Variants in GALNTL6 observed in about 807,000 individuals in gnomAD.
The protein encoded by GALNTL6 is polypeptide N-acetylgalactosaminyltransferase-like 6.
In GALNTL6, 46 loss-of-function variants were observed where a neutral mutation model predicts 73.7. The ratio of observed to expected loss-of-function variants is 0.62; its 90% CI spans 0.49 to 0.80. The LOEUF (loss-of-function observed/expected upper bound fraction) is 0.80, where lower values mean the gene tolerates loss of function less well. Ranked by LOEUF, GALNTL6 falls within the 30% of genes least tolerant of loss-of-function variation. GALNTL6 has a pLI of 0.00. For missense variants in GALNTL6, 604 were observed against 755.0 expected (o/e 0.80, Z 2.34); for synonymous variants, 259 against 263.7 (o/e 0.98, Z 0.17).
intron 2 of GALNTL6, among the ~76,000 whole-genome samples, chr4:172,087,720 G>C (rs1732089509): frequency 6.7e-6 from 1 of 149,882 alleles, no homozygotes; most frequent in Non-Finnish European, 1.5e-5. Flanking sequence ...TTTCTGTAAA[G>C]GTCCCCCTCA....
At position 172,253,989 on chromosome 4, in the gene GALNTL6, C is replaced by A. The variant is rs558699159; in HGVS notation, c.247+24225C>A. On this transcript the variant is annotated intron_variant, in intron 3 of 12. Coordinates refer to ENST00000506823, the MANE Select transcript of GALNTL6 (RefSeq NM_001034845.3). ...TAATGGGCACTAAAATATGGTTACA[C>A]CTGCAGATCACCTAACTGAAAATTT... Among the ~76,000 whole-genome samples the A allele has an allele frequency of 3.3e-5, 5 of 151,856 alleles. No homozygotes were observed. The South Asian group carries it at 1.0e-3, about 32-fold the overall frequency.
chr4:171,929,697 C>T (rs1738113824), intron 2 of GALNTL6, among the ~76,000 whole-genome samples: 1 of 152,202 alleles, frequency 6.6e-6, no homozygotes, highest in South Asian at 2.1e-4. Context: ...TGCCCAGCCC[C>T]ATGCCCTGGC....
intron 5 of GALNTL6, among the ~76,000 whole-genome samples, chr4:172,605,050 T>G (rs1324306521): frequency 6.6e-6 from 1 of 152,142 alleles, no homozygotes; most frequent in East Asian, 1.9e-4. Context: ...TATTAGCATT[T>G]GAAATAAAAA....
At chr4:172,883,636 C>T (rs28789370) in intron 8 of GALNTL6, among the ~76,000 whole-genome samples, 9,007 of 152,282 alleles carry the variant, frequency 0.059, 299 homozygotes, top group Middle Eastern at 0.15. Flanking sequence ...GCCTCACCTC[C>T]AACACTGGGG....
At chr4:172,637,986 T>A (rs1739773942) in intron 5 of GALNTL6, among the ~76,000 whole-genome samples, 1 of 152,174 alleles carries the variant, frequency 6.6e-6, no homozygotes, top group Admixed American at 6.6e-5. Context: ...ATCAGAAGAA[T>A]GCCTTATATC....
intron 5 of GALNTL6, among the ~76,000 whole-genome samples, chr4:172,523,381 T>A (rs1050120020): frequency 2.0e-5 from 3 of 152,064 alleles, no homozygotes; most frequent in African/African-American, 7.2e-5. Flanking sequence ...TTTATTTATT[T>A]TGAGACAGAG....
chr4:172,961,224 G>C (rs190600452), intron 10 of GALNTL6, among the ~76,000 whole-genome samples: 1 of 140,898 alleles, frequency 7.1e-6, no homozygotes, highest in Non-Finnish European at 1.6e-5. Context: ...GTAGAGACAC[G>C]GGGAGAAGGG....
chr4:172,830,995 A>G (rs374899809), intron 7 of GALNTL6, among the ~76,000 whole-genome samples: 2 of 151,972 alleles, frequency 1.3e-5, no homozygotes, highest in East Asian at 1.9e-4. Flanking sequence ...CCCTGTCTCT[A>G]TGAAAATACA....
chr4:172,923,827 C>G (rs1274390552), intron 8 of GALNTL6, among the ~76,000 whole-genome samples: 2 of 152,038 alleles, frequency 1.3e-5, no homozygotes, highest in Non-Finnish European at 2.9e-5. Context: ...AGAGCTTGTG[C>G]AGGAAAACTC....
At chr4:171,853,904 G>A (rs948775379) in intron 2 of GALNTL6, among the ~76,000 whole-genome samples, 14 of 152,058 alleles carry the variant, frequency 9.2e-5, no homozygotes, top group South Asian at 2.1e-4. Context: ...GAGCCACCGC[G>A]CCTGGCCTAT....
At chr4:172,158,119 G>T (rs1734340778) in intron 2 of GALNTL6, among the ~76,000 whole-genome samples, 1 of 152,174 alleles carries the variant, frequency 6.6e-6, no homozygotes, top group Non-Finnish European at 1.5e-5. Flanking sequence ...CACCTCAGGT[G>T]CATGGTTCTA....
At chr4:172,568,816 C>T (rs781611368) in intron 5 of GALNTL6, among the ~76,000 whole-genome samples, 6 of 150,038 alleles carry the variant, frequency 4.0e-5, no homozygotes, top group Non-Finnish European at 7.4e-5. Flanking sequence ...GCTTGTCCAA[C>T]CCATGACCTG....
intron 5 of GALNTL6, among the ~76,000 whole-genome samples, chr4:172,515,128 C>A (rs1350667761): frequency 6.6e-6 from 1 of 152,214 alleles, no homozygotes; most frequent in Admixed American, 6.5e-5. Flanking sequence ...TGTAGATGTA[C>A]AAAGTTGTAA....
chr4:172,147,604 G>A (rs1328963777), intron 2 of GALNTL6, among the ~76,000 whole-genome samples: 4 of 152,090 alleles, frequency 2.6e-5, no homozygotes, highest in Non-Finnish European at 5.9e-5. Context: ...TAAACATTTT[G>A]TGGTTTCTAG....
chr4:171,993,047 T>C lies in GALNTL6; in HGVS notation c.138+178329T>C, dbSNP rs535082573. Among the ~76,000 whole-genome samples, 249 of 151,474 alleles carry C rather than the reference T, an allele frequency of 1.6e-3. 3 individuals are homozygous for C. The highest frequency in any genetic ancestry group is 3.4e-3 in the Middle Eastern group (1 of 294). On this transcript the variant is annotated intron_variant, in intron 2 of 12. Transcript: ENST00000506823. ...TACATACATCCTTTAAGTCCCCCCT[T>C]GAGATGGTAATAATCTGTTTTCGTC... is the stretch of plus-strand genomic sequence containing the variant.
intron 5 of GALNTL6, among the ~76,000 whole-genome samples, chr4:172,564,484 G>A (rs1736488097): frequency 6.6e-6 from 1 of 152,064 alleles, no homozygotes; most frequent in Admixed American, 6.6e-5. Context: ...AGATATTAAG[G>A]CACATTATAA....
At chr4:172,182,463 G>A (rs1008215877) in intron 2 of GALNTL6, among the ~76,000 whole-genome samples, 3 of 146,490 alleles carry the variant, frequency 2.0e-5, no homozygotes, top group Non-Finnish European at 4.4e-5. Context: ...CTAAGACTCA[G>A]ATATCTTCTT....
intron 2 of GALNTL6, among the ~76,000 whole-genome samples, chr4:172,049,063 A>T (rs530922079): frequency 6.6e-6 from 1 of 152,268 alleles, no homozygotes; most frequent in Non-Finnish European, 1.5e-5. Context: ...TGGACAGAAA[A>T]ATAATGGTGG....
At chr4:172,286,467 A>G (rs1739257243) in intron 3 of GALNTL6, among the ~76,000 whole-genome samples, 1 of 152,226 alleles carries the variant, frequency 6.6e-6, no homozygotes. Context: ...AAGAAGGCAT[A>G]AATTCAACGT....
Sources: gnomAD v4.1 joint callset for allele counts (sites outside exome capture counted in the v4.1 genomes callset) on GRCh38, gnomAD v4.1.1 for gene constraint, MANE v1.5 for transcripts, NCBI Gene and HGNC (gene_info 2026-07-23, HGNC 2026-07-21) for gene names.